The following SEMA3E variants were observed in gnomAD, a reference collection of about 807,000 sequenced individuals.
SEMA3E encodes the protein semaphorin-3E.
A neutral mutation model predicts 93.6 loss-of-function variants in SEMA3E; 49 were observed. That is an observed-to-expected ratio of 0.52 (90% confidence interval 0.42 to 0.66). The LOEUF (loss-of-function observed/expected upper bound fraction) is 0.66. Among genes scored for constraint, SEMA3E ranks in the 30% least tolerant of loss-of-function variants. The pLI is 0.00. For missense variants in SEMA3E, 906 were observed against 964.8 expected (o/e 0.94, Z 0.81); for synonymous variants, 363 against 330.7 (o/e 1.10, Z -1.06).
intron 4 of SEMA3E, among the ~76,000 whole-genome samples, chr7:83,435,952 TAGC>T (rs1341875462): frequency 1.3e-5 from 2 of 152,140 alleles, no homozygotes; most frequent in Non-Finnish European, 2.9e-5. Context: ...AACTTTAAAG[TAGC>T]AACAAGTTGA....
chr7:83,494,811 G>T (rs1353293203), intron 1 of SEMA3E, among the ~76,000 whole-genome samples: 1 of 151,890 alleles, frequency 6.6e-6, no homozygotes, highest in Non-Finnish European at 1.5e-5. Context: ...TGTGACAATA[G>T]CTCCTGCATT....
At chr7:83,620,621 C>T (rs1047844606) in intron 1 of SEMA3E, among the ~76,000 whole-genome samples, 4 of 152,084 alleles carry the variant, frequency 2.6e-5, no homozygotes, top group Non-Finnish European at 4.4e-5. Context: ...AAACTGAATC[C>T]AGCAGTCCAT....
At chr7:83,546,037 A>G (rs1407068108) in intron 1 of SEMA3E, among the ~76,000 whole-genome samples, 3 of 146,878 alleles carry the variant, frequency 2.0e-5, no homozygotes, top group African/African-American at 7.4e-5. Context: ...TTTATATTTT[A>G]TATATAATTA....
chr7:83,424,749 T>A (rs112593495), intron 4 of SEMA3E: 1 of 154,090 alleles, frequency 6.5e-6, no homozygotes, highest in East Asian at 1.9e-4. Flanking sequence ...TCCAGGTAGA[T>A]CCAATATAAT....
chr7:83,374,481 A>T (rs1200563922), intron 16 of SEMA3E, among the ~76,000 whole-genome samples: 3 of 151,916 alleles, frequency 2.0e-5, no homozygotes, highest in African/African-American at 7.3e-5. Context: ...ATTTGCAGAG[A>T]TGACTGTCAA....
intron 1 of SEMA3E, among the ~76,000 whole-genome samples, chr7:83,646,732 C>T (rs532939978): frequency 1.3e-5 from 2 of 152,100 alleles, no homozygotes; most frequent in South Asian, 4.2e-4. Flanking sequence ...TAGTATTATG[C>T]ATAACATTTA....
intron 2 of SEMA3E, among the ~76,000 whole-genome samples, chr7:83,474,702 T>C (rs1789972881): frequency 6.6e-6 from 1 of 152,184 alleles, no homozygotes; most frequent in African/African-American, 2.4e-5. Flanking sequence ...TATCAGTCAA[T>C]ATCTGGTTAC....
chr7:83,623,474 C>A (rs992710580), intron 1 of SEMA3E, among the ~76,000 whole-genome samples: 1 of 151,980 alleles, frequency 6.6e-6, no homozygotes, highest in Non-Finnish European at 1.5e-5. Flanking sequence ...AATTTACACA[C>A]CAACATATTA....
rs138680516 is a variant in SEMA3E at position 83,476,747 on chromosome 7, G to A, written c.277-7445C>T. On this transcript the variant is annotated intron_variant, in intron 2 of 16. Transcript: ENST00000643230. ...GGATGCCTTTTGGTTCTGCTCCAGA[G>A]TTTAGCATCAACAAAACCCCATAAA... is the stretch of plus-strand genomic sequence containing the variant. Among the ~76,000 whole-genome samples, 258 of 152,236 alleles carry A rather than the reference G, an allele frequency of 1.7e-3. 2 individuals are homozygous for A. The highest frequency in any genetic ancestry group is 8.1e-3 in the South Asian group (39 of 4,828).
At chr7:83,542,465 A>G (rs1791556630) in intron 1 of SEMA3E, among the ~76,000 whole-genome samples, 1 of 152,166 alleles carries the variant, frequency 6.6e-6, no homozygotes, top group Admixed American at 6.5e-5. Context: ...ATCTTGTTTC[A>G]TATTTGCAAA....
chr7:83,386,814 T>G (rs1041883686), intron 15 of SEMA3E, among the ~76,000 whole-genome samples, 169 bp downstream of exon 15: 2 of 152,202 alleles, frequency 1.3e-5, no homozygotes, highest in Non-Finnish European at 2.9e-5. Flanking sequence ...AGGTAAAAAT[T>G]AGTCAAATTT....
chr7:83,520,068 T>A (rs1791013263), intron 1 of SEMA3E, among the ~76,000 whole-genome samples: 1 of 152,206 alleles, frequency 6.6e-6, no homozygotes, highest in South Asian at 2.1e-4. Context: ...TCATCCCTGA[T>A]ATTCATTTGT....
intron 1 of SEMA3E, among the ~76,000 whole-genome samples, chr7:83,600,361 C>G (rs1427380766): frequency 6.6e-6 from 1 of 151,578 alleles, no homozygotes; most frequent in African/African-American, 2.4e-5. Context: ...GCTCTGTCAC[C>G]CAGACTGGAG....
intron 1 of SEMA3E, among the ~76,000 whole-genome samples, chr7:83,558,449 A>G (rs1233872890): frequency 6.6e-6 from 1 of 152,156 alleles, no homozygotes; most frequent in Non-Finnish European, 1.5e-5. Context: ...GGGTGCTTAA[A>G]GAGCATTTAT....
intron 4 of SEMA3E, among the ~76,000 whole-genome samples, chr7:83,459,598 TA>T (rs1390228894): frequency 1.3e-5 from 2 of 152,188 alleles, no homozygotes; most frequent in Non-Finnish European, 2.9e-5. Flanking sequence ...AATCAATAAA[TA>T]CACTATGATG....
chr7:83,472,829 C>T lies in SEMA3E; in HGVS notation c.277-3527G>A, dbSNP rs146189956. On this transcript the variant is annotated intron_variant, in intron 2 of 16. Coordinates refer to ENST00000643230, the MANE Select transcript of SEMA3E (RefSeq NM_012431.3). Reference sequence around the variant, plus strand: ...GTAATTGAATCATGGAGGCCGTTTCCCCCATGCTGTTCTCGTGATAGTGAG... The same window carrying T: ...GTAATTGAATCATGGAGGCCGTTTCTCCCATGCTGTTCTCGTGATAGTGAG... 9.4e-3 allele frequency among the ~76,000 whole-genome samples: 1,436 copies of T among 152,228 alleles called. 11 individuals are homozygous for T. The highest frequency in any genetic ancestry group is 0.013 in the Non-Finnish European group (910 of 68,010).
intron 1 of SEMA3E, among the ~76,000 whole-genome samples, chr7:83,493,571 A>G (rs1314180701): frequency 6.6e-6 from 1 of 151,942 alleles, no homozygotes; most frequent in Non-Finnish European, 1.5e-5. Flanking sequence ...TAATAAACAG[A>G]CTATAGTTTT....
chr7:83,460,649 C>G (rs12539796), intron 4 of SEMA3E, among the ~76,000 whole-genome samples: 1,086 of 39,116 alleles, frequency 0.028, 1 homozygote, highest in East Asian at 0.22. Flanking sequence ...GAGGGGCAAG[C>G]ACCCCAACCT....
intron 1 of SEMA3E, among the ~76,000 whole-genome samples, chr7:83,565,792 T>C (rs1792136573): frequency 6.6e-6 from 1 of 152,036 alleles, no homozygotes; most frequent in South Asian, 2.1e-4. Flanking sequence ...AGGGTGAAAA[T>C]TTTATGACCT....
Sources: gnomAD v4.1 joint callset for allele counts (sites outside exome capture counted in the v4.1 genomes callset) on GRCh38, gnomAD v4.1.1 for gene constraint, MANE v1.5 for transcripts, NCBI Gene and HGNC (gene_info 2026-07-23, HGNC 2026-07-21) for gene names.